Variants in RSKR observed in about 807,000 individuals in gnomAD.
RSKR encodes ribosomal protein S6 kinase related.
RSKR carries 44 observed loss-of-function variants against 56.8 expected under a neutral mutation model. The observed-to-expected ratio is 0.77, with a 90% CI of 0.61 to 1.00. The LOEUF (loss-of-function observed/expected upper bound fraction) is 1.00. RSKR is among the 50% of genes least tolerant of loss of function. The pLI is 0.00. For synonymous variants in RSKR, 181 were observed against 188.0 expected (o/e 0.96, Z 0.30); for missense variants, 510 against 506.9 (o/e 1.01, Z -0.06).
chr17:28,612,604 G>A lies in RSKR; in HGVS notation c.547+14C>T, dbSNP rs760064135. ...AAAGACCCTGGGGGATGAGGAGAGAGTCCAGTCACTCACTAATGAAAAGGT... is the reference window on the plus strand; with the variant it reads ...AAAGACCCTGGGGGATGAGGAGAGAATCCAGTCACTCACTAATGAAAAGGT... On this transcript the variant is annotated intron_variant, in intron 5 of 11. Coordinates refer to ENST00000301037, the MANE Select transcript of RSKR (RefSeq NM_001174103.2). 3 of 1,613,358 alleles carry A rather than the reference G, an allele frequency of 1.9e-6. No individual in the cohort carries two copies. In the African/African-American group the frequency reaches 4.0e-5, roughly 22 times the overall value.
Position 28,609,032 on chromosome 17 carries a change from CTTTTTTTTTTTT to C in RSKR, c.*1434_*1445del, listed in dbSNP as rs749382342. Reference sequence around the variant, plus strand: ...TTGAGATATGTCTCTAACCTTAAATCTTTTTTTTTTTTTTTTTTTTTTTTTTTTGAGACAGAG... The same window carrying C: ...TTGAGATATGTCTCTAACCTTAAATCTTTTTTTTTTTTTTTTGAGACAGAG... On this transcript the variant is annotated 3_prime_UTR_variant, in exon 12 of 12. Coordinates refer to ENST00000301037, the MANE Select transcript of RSKR (RefSeq NM_001174103.2). 3.2e-5 allele frequency: 3 copies of C among 93,630 alleles called. No homozygotes were observed. Among genetic ancestry groups the C allele is most frequent in the East Asian group, 3.1e-4 (1 of 3,252 alleles). 5.8% of individuals were successfully genotyped at this position (93,630 alleles called of 1,614,324 possible).
In RSKR at chr17:28,611,660, T is replaced by G. The variant is rs766432182; in HGVS notation, c.722-4A>C. On this transcript the variant is annotated splice_polypyrimidine_tract_variant and splice_region_variant and intron_variant, in intron 8 of 11. Coordinates refer to ENST00000301037, the MANE Select transcript of RSKR (RefSeq NM_001174103.2). ...AAGTCTGTCAGTTTCAGATGGCCTA[T>G]GAAAGAAGGTAAGGCAACTGCACCA... 4 of 1,598,600 alleles carry G rather than the reference T, an allele frequency of 2.5e-6. No homozygotes were observed. In the South Asian group the frequency reaches 3.4e-5, roughly 14 times the overall value.
chr17:28,612,932 T>C, intron 4 of RSKR, 146 bp downstream of exon 4: 3 of 899,946 alleles, frequency 3.3e-6, no homozygotes, highest in Admixed American at 3.9e-5. Flanking sequence ...TGAGAGCTGA[T>C]ACTTTTCCCA....
rs1302969778 is a variant in RSKR at position 28,608,505 on chromosome 17, C to T, written c.*1973G>A. On this transcript the variant is annotated 3_prime_UTR_variant, in exon 12 of 12. Transcript: ENST00000301037. The stretch of plus-strand genomic sequence containing the variant: ...GAGTAGCTGGGACTACAGTGTGTGC[C>T]CTCATGACCAGCTAATTTTTGTATT... 6.6e-6 allele frequency: 1 copy of T among 151,938 alleles called. No homozygotes were observed. The highest frequency in any genetic ancestry group is 2.4e-5 in the African/African-American group (1 of 41,354). The allele number at this position is 151,938 out of a possible 1,614,324, so 9.4% of individuals were successfully genotyped here. A position where few individuals can be genotyped will look rare whatever the true frequency, so the allele number is the denominator to read the frequency against.
In RSKR at chr17:28,609,721, AGAGT is replaced by A. The variant is rs1220470915; in HGVS notation, c.*753_*756del. ...CCACTGCACTCCAACCTGGGTGACG[AGAGT>A]GAGACCCTATCTCAAAAAAAAAAAA... On this transcript the variant is annotated 3_prime_UTR_variant, in exon 12 of 12. Coordinates refer to ENST00000301037, the MANE Select transcript of RSKR (RefSeq NM_001174103.2). 1.6e-5 allele frequency: 2 copies of A among 125,934 alleles called. No individual in the cohort carries two copies. Among genetic ancestry groups the A allele is most frequent in the Non-Finnish European group, 3.2e-5 (2 of 61,552 alleles). 7.8% of individuals were successfully genotyped at this position (125,934 alleles called of 1,614,324 possible).
In RSKR at chr17:28,611,503, A is replaced by T. The variant is rs748187502; in HGVS notation, c.812-22T>A. The stretch of plus-strand genomic sequence containing the variant: ...GGGGCTACAGATTTCAAAGATACTC[A>T]TCACAGACATCCTTTAGCTATCCTC... On this transcript the variant is annotated intron_variant, in intron 9 of 11. Transcript: ENST00000301037. 6.3e-6 allele frequency: 10 copies of T among 1,583,212 alleles called. No individual in the cohort carries two copies. The African/African-American group carries it at 1.4e-4, about 22-fold the overall frequency.
At position 28,611,137 on chromosome 17, in the gene RSKR, C is replaced by A; in HGVS notation, c.1011+6G>T. On this transcript the variant is annotated splice_donor_region_variant and intron_variant, in intron 11 of 11. Coordinates refer to ENST00000301037, the MANE Select transcript of RSKR (RefSeq NM_001174103.2). Reference sequence around the variant, plus strand: ...AGCCAAGAAGGAAAGCAGTGCTCATCCTTACCTCATGGAGCAGGAGTGAGA... The same window carrying A: ...AGCCAAGAAGGAAAGCAGTGCTCATACTTACCTCATGGAGCAGGAGTGAGA... The A allele has an allele frequency of 6.5e-7, 1 of 1,534,246 alleles. No homozygotes were observed. Among genetic ancestry groups the A allele is most frequent in the Non-Finnish European group, 8.7e-7 (1 of 1,145,068 alleles).
Position 28,613,481 on chromosome 17 carries a change from C to G in RSKR, c.283G>C (p.Glu95Gln). The G allele has an allele frequency of 6.2e-7, 1 of 1,613,976 alleles. No homozygotes were observed. Among genetic ancestry groups the G allele is most frequent in the Non-Finnish European group, 8.5e-7 (1 of 1,180,036 alleles). The change falls in exon 2 of 12, where the codon GAG becomes CAG. Residue 95 changes from glutamate (E) to glutamine (Q), a missense_variant. Physicochemically the swap from Glu to Gln is conservative, Grantham distance 29. Coordinates refer to ENST00000301037, the MANE Select transcript of RSKR (RefSeq NM_001174103.2). The part of the protein sequence containing the change: ...VPQFINLFLP[E>Q]FPIRPIRGQQ... ...CCCCTAATGGGCCTAATGGGAAACT[C>G]TGGTAGAAAGAGGTTGATGAACTGA...
At position 28,613,288 on chromosome 17, in the gene RSKR, T is replaced by G. The variant is rs751106290; in HGVS notation, c.382A>C (p.Thr128Pro). The G allele has an allele frequency of 1.2e-6, 2 of 1,614,016 alleles. No homozygotes were observed. The highest frequency in any genetic ancestry group is 1.1e-5 in the South Asian group (1 of 90,906). ...TTCACTGCAAATACAGCTTTCTGGG[T>G]GCAATCTAGCACCTTGAGGACAGTT... ...FGTVLKVLDC[T>P]QKAVFAVKVV... Residue 128 changes from threonine to proline, a missense_variant, in exon 3 of 12, where the codon ACC becomes CCC. Physicochemically the swap from Thr to Pro is conservative, Grantham distance 38 (BLOSUM62 -1). Coordinates refer to ENST00000301037, the MANE Select transcript of RSKR (RefSeq NM_001174103.2).
chr17:28,611,331 C>A lies in RSKR; in HGVS notation c.900+62G>T, dbSNP rs140029653. ...GGAATACGGCAAGATTTCCTAAGGT[C>A]TTCCTTCTTCCCACCACAAGGCAAA... On this transcript the variant is annotated intron_variant, in intron 10 of 11. Coordinates refer to ENST00000301037, the MANE Select transcript of RSKR (RefSeq NM_001174103.2). The A allele has an allele frequency of 1.4e-4, 214 of 1,530,806 alleles. 3 individuals carry two copies. The Middle Eastern group carries it at 1.5e-3, about 11-fold the overall frequency. 94.8% of individuals were successfully genotyped at this position (1,530,806 alleles called of 1,614,324 possible).
intron 5 of RSKR, 28 bp downstream of exon 5, chr17:28,612,590 G>A (rs2070833408): frequency 6.2e-7 from 1 of 1,610,634 alleles, no homozygotes; most frequent in African/African-American, 1.3e-5. Context: ...AAGACCCTGG[G>A]GGATGAGGAG....
chr17:28,610,949 A>G (rs2070803372), intron 11 of RSKR, 194 bp downstream of exon 11: 1 of 656,174 alleles, frequency 1.5e-6, no homozygotes. Flanking sequence ...TCTCTGTTCT[A>G]GATGGGGAGG....
chr17:28,612,450 T>A (rs1244327879), intron 5 of RSKR, 84 bp from the exon 6 acceptor site: 1 of 1,449,744 alleles, frequency 6.9e-7, no homozygotes. Context: ...CAAGGCATTG[T>A]AGGCCTCCTG....
intron 4 of RSKR, 83 bp from the exon 5 acceptor site, chr17:28,612,770 T>C (rs888980481): frequency 4.5e-6 from 6 of 1,341,386 alleles, no homozygotes; most frequent in Admixed American, 1.8e-5. Flanking sequence ...TTTACCCAGA[T>C]GTGCAGAGGG....
chr17:28,612,969 T>C, intron 4 of RSKR, 109 bp downstream of exon 4: 1 of 1,197,948 alleles, frequency 8.3e-7, no homozygotes, highest in Non-Finnish European at 1.2e-6. Context: ...TAAACTAGGC[T>C]GAAGCAGATG....
In RSKR at chr17:28,611,470, G is replaced by A. The variant is rs2070813076; in HGVS notation, c.823C>T (p.Leu275=). 3 of 1,599,696 alleles carry A rather than the reference G, an allele frequency of 1.9e-6. No homozygotes were observed. Among genetic ancestry groups the A allele is most frequent in the Non-Finnish European group, 2.6e-6 (3 of 1,176,072 alleles). The part of the protein sequence containing the change: ...GTLQYMAPEV[L]SGGPYNHAAD... ...GCATGGTTGTAAGGTCCTCCACTTA[G>A]GACCTCTGGGGCTACAGATTTCAAA... The change falls in exon 10 of 12, where the codon CTA becomes TTA. Residue 275 remains leucine (L), a synonymous_variant. Coordinates refer to ENST00000301037, the MANE Select transcript of RSKR (RefSeq NM_001174103.2).
At position 28,613,976 on chromosome 17, in the gene RSKR, CA is replaced by C. The variant is rs1172857719; in HGVS notation, c.75+110del. ...CTTTCATAGTACAGCCTCCCTGCCCCACCCCCACATTGGGTAATCACTTCCA... is the reference window on the plus strand; with the variant it reads ...CTTTCATAGTACAGCCTCCCTGCCCCCCCCCACATTGGGTAATCACTTCCA... On this transcript the variant is annotated intron_variant, in intron 1 of 11. Coordinates refer to ENST00000301037, the MANE Select transcript of RSKR (RefSeq NM_001174103.2). 2.3e-5 allele frequency: 32 copies of C among 1,402,118 alleles called. No individual in the cohort carries two copies. In the Admixed American group the frequency reaches 5.1e-4, roughly 23 times the overall value. The allele number at this position is 1,402,118 out of a possible 1,614,324, so 86.9% of individuals were successfully genotyped here.
chr17:28,612,051 T>C lies in RSKR; in HGVS notation c.686A>G (p.Asp229Gly). ...AAAAGCACTTAACTCTACCTTCACATCTCGATGCATGATGCCCAAGTCATG... is the reference window on the plus strand; with the variant it reads ...AAAAGCACTTAACTCTACCTTCACACCTCGATGCATGATGCCCAAGTCATG... ...YLHDLGIMHR[D>G]VKMENILLDE... The change falls in exon 7 of 12, where the codon GAT (aspartate) becomes GGT (glycine). Residue 229 changes from aspartate (D) to glycine (G), a missense_variant. Asp to Gly is a moderately conservative substitution (Grantham distance 94, BLOSUM62 -1). Coordinates refer to ENST00000301037, the MANE Select transcript of RSKR (RefSeq NM_001174103.2). 4 of 1,614,182 alleles carry C rather than the reference T, an allele frequency of 2.5e-6. No individual in the cohort carries two copies. Among genetic ancestry groups the C allele is most frequent in the Non-Finnish European group, 3.4e-6 (4 of 1,180,034 alleles).
chr17:28,613,177 A>G (rs1567634305), intron 3 of RSKR, 31 bp from the exon 4 acceptor site: 11 of 1,613,372 alleles, frequency 6.8e-6, no homozygotes, highest in Non-Finnish European at 9.3e-6. Flanking sequence ...TGACTCATAG[A>G]TAGTGCTATT....
Sources: gnomAD v4.1 joint callset for allele counts on GRCh38, gnomAD v4.1.1 for gene constraint, MANE v1.5 for transcripts, NCBI Gene and HGNC (gene_info 2026-07-23, HGNC 2026-07-21) for gene names.